The following MAST2 variants were observed in gnomAD, a reference collection of about 807,000 sequenced individuals.
MAST2 encodes microtubule associated serine/threonine kinase 2.
In MAST2, 70 loss-of-function variants were observed where a neutral mutation model predicts 147.4. The ratio of observed to expected loss-of-function variants is 0.47; its 90% CI spans 0.39 to 0.58. The LOEUF is 0.58. Among genes scored for constraint, MAST2 ranks in the 20% least tolerant of loss-of-function variants. The pLI is 0.00. For synonymous variants in MAST2, 869 were observed against 896.8 expected, an observed-to-expected ratio of 0.97 and a Z score of 0.55; for missense variants, 2,080 against 2,302.3, an observed-to-expected ratio of 0.90 and a Z score of 1.98.
At chr1:45,851,731 T>C (rs1307606033) in intron 3 of MAST2, among the ~76,000 whole-genome samples, 1 of 152,176 alleles carries the variant, frequency 6.6e-6, no homozygotes. Context: ...ACTTCCTTTT[T>C]TCTGCTTGAC....
chr1:45,882,534 C>A, intron 4 of MAST2, 139 bp downstream of exon 4: 1 of 630,964 alleles, frequency 1.6e-6, no homozygotes, highest in South Asian at 2.2e-5. Flanking sequence ...GCTAGGGAAG[C>A]CAGCAGGCCA....
chr1:45,904,748 G>A lies in MAST2; in HGVS notation c.500+22353G>A, dbSNP rs1650384076. 1.3e-5 allele frequency among the ~76,000 whole-genome samples: 2 copies of A among 152,200 alleles called. 1 individual carries two copies. Among genetic ancestry groups the A allele is most frequent in the South Asian group, 4.2e-4 (2 of 4,816 alleles). On this transcript the variant is annotated intron_variant, in intron 4 of 28. Transcript: ENST00000361297. Reference sequence around the variant, plus strand: ...CCCAGAGTGCTAGGATTACAGGCACGAGCCACCGCACCCAACCCAGACTGT... The same window carrying A: ...CCCAGAGTGCTAGGATTACAGGCACAAGCCACCGCACCCAACCCAGACTGT...
At chr1:45,832,934 ACCT>A (rs1407797997) in intron 3 of MAST2, among the ~76,000 whole-genome samples, 3 of 152,088 alleles carry the variant, frequency 2.0e-5, no homozygotes, top group African/African-American at 4.8e-5. Flanking sequence ...TTCAGGTATC[ACCT>A]CCTCATTGTT....
At chr1:45,945,675 G>A (rs184506605) in intron 4 of MAST2, among the ~76,000 whole-genome samples, 3 of 152,314 alleles carry the variant, frequency 2.0e-5, no homozygotes, top group East Asian at 3.9e-4. Context: ...GTATGTATTA[G>A]TAACACTTAA....
intron 6 of MAST2, among the ~76,000 whole-genome samples, chr1:45,998,898 C>CT (rs1248509265): frequency 6.6e-6 from 1 of 151,956 alleles, no homozygotes; most frequent in Non-Finnish European, 1.5e-5. Context: ...GAGCTAATTT[C>CT]TTTTTTTGTA....
intron 5 of MAST2, among the ~76,000 whole-genome samples, chr1:45,975,883 C>T (rs569238408): frequency 1.5e-4 from 23 of 152,102 alleles, no homozygotes; most frequent in African/African-American, 5.5e-4. Context: ...TGCCATAAAT[C>T]CCCTAAAATT....
rs1409624781 is a variant in MAST2 at position 46,030,187 on chromosome 1, T to A, written c.2502T>A (p.Asp834Glu). 1 of 1,614,096 alleles carries A rather than the reference T, an allele frequency of 6.2e-7. No homozygotes were observed. Among genetic ancestry groups the A allele is most frequent in the South Asian group, 1.1e-5 (1 of 91,084 alleles). The change falls in exon 21 of 29, where the codon GAT becomes GAA. Residue 834 changes from aspartate to glutamate, a missense_variant. Transcript: ENST00000361297. ...AGGATGAGGAAGAAGTGAGTGAGGATGGCTGCCTTGAGATCCGCCAGTTCT... is the reference window on the plus strand; with the variant it reads ...AGGATGAGGAAGAAGTGAGTGAGGAAGGCTGCCTTGAGATCCGCCAGTTCT... Reference protein sequence around the residue: ...DSEDEEEVSEDGCLEIRQFSS... With the variant: ...DSEDEEEVSEEGCLEIRQFSS...
intron 3 of MAST2, among the ~76,000 whole-genome samples, chr1:45,868,724 C>A (rs1157195203): frequency 6.6e-6 from 1 of 152,106 alleles, no homozygotes. Context: ...GGTCATCTTA[C>A]AAAATGTGAT....
chr1:45,946,858 C>T (rs1200814709), intron 4 of MAST2, among the ~76,000 whole-genome samples: 1 of 152,160 alleles, frequency 6.6e-6, no homozygotes, highest in African/African-American at 2.4e-5. Context: ...TAGTCTCTGT[C>T]ATAGCAGACC....
At chr1:45,919,694 T>C (rs1310368959) in intron 4 of MAST2, among the ~76,000 whole-genome samples, 1 of 152,196 alleles carries the variant, frequency 6.6e-6, no homozygotes, top group East Asian at 1.9e-4. Flanking sequence ...ATGTACCCAG[T>C]CCTGGCACAT....
At chr1:45,825,686 G>A (rs564121934) in intron 2 of MAST2, among the ~76,000 whole-genome samples, 84 of 151,848 alleles carry the variant, frequency 5.5e-4, no homozygotes, top group African/African-American at 1.9e-3. Context: ...GCCTGCCTTG[G>A]CCTCCCAAAG....
At chr1:45,823,898 A>G (rs1003500054) in intron 1 of MAST2, among the ~76,000 whole-genome samples, 1 of 152,114 alleles carries the variant, frequency 6.6e-6, no homozygotes, top group African/African-American at 2.4e-5. Flanking sequence ...GGTTCTGTCA[A>G]TGTTTTGTAT....
In MAST2 at chr1:46,034,069, G is replaced by A. The variant is rs751004565; in HGVS notation, c.3675-4G>A. ...GACTCAGCCTTTGACCCTTATCCCC[G>A]CAGCAGAAAAAGGAGCTCCCTGTTC... On this transcript the variant is annotated splice_polypyrimidine_tract_variant and splice_region_variant and intron_variant, in intron 27 of 28. Transcript: ENST00000361297. The A allele has an allele frequency of 1.4e-5, 23 of 1,612,150 alleles. No homozygotes were observed. Among genetic ancestry groups the A allele is most frequent in the East Asian group, 2.2e-5 (1 of 44,890 alleles).
intron 10 of MAST2, chr1:46,011,155 T>G: frequency 3.5e-6 from 2 of 574,034 alleles, no homozygotes; most frequent in Non-Finnish European, 6.2e-6. Flanking sequence ...TTCTGTTCCT[T>G]TTCTAAATCC....
At chr1:45,822,977 T>C (rs1046249842) in intron 1 of MAST2, among the ~76,000 whole-genome samples, 4 of 152,222 alleles carry the variant, frequency 2.6e-5, no homozygotes, top group Non-Finnish European at 5.9e-5. Context: ...ATCAATTGTT[T>C]GATTCAGTGC....
rs754911769 is a variant in MAST2 at position 45,959,427 on chromosome 1, G to A, written c.542G>A (p.Ser181Asn). ...SNRKSLIVTS[S>N]TSPTLPRPHS... ...CGCAAGAGCTTGATTGTGACCTCTA[G>A]CACATCACCTACACTACCACGGCCA... Residue 181 changes from serine (S) to asparagine (N), a missense_variant, in exon 5 of 29, where the codon AGC becomes AAC. Ser to Asn is a conservative substitution (Grantham distance 46, BLOSUM62 1). Around this residue, in one of 4 missense-constraint regions of MAST2, gnomAD observed 569 missense variants for 642.5 expected, o/e 0.89. Coordinates refer to ENST00000361297, the MANE Select transcript of MAST2 (RefSeq NM_015112.3). 1 of 1,613,780 alleles carries A rather than the reference G, an allele frequency of 6.2e-7. No homozygotes were observed. Among genetic ancestry groups the A allele is most frequent in the Non-Finnish European group, 8.5e-7 (1 of 1,179,818 alleles).
At chr1:45,992,712 GTCTT>G (rs1644899351) in intron 5 of MAST2, among the ~76,000 whole-genome samples, 1 of 152,040 alleles carries the variant, frequency 6.6e-6, no homozygotes. Flanking sequence ...CTTTAATGGA[GTCTT>G]TCTTTTTTTA....
intron 5 of MAST2, among the ~76,000 whole-genome samples, chr1:45,994,413 A>T (rs1644974201): frequency 6.6e-6 from 1 of 151,472 alleles, no homozygotes; most frequent in South Asian, 2.1e-4. Flanking sequence ...CAGCCTCCCA[A>T]GTAGCTGGGA....
chr1:45,948,468 G>T (rs1658422513), intron 4 of MAST2, among the ~76,000 whole-genome samples: 2 of 152,092 alleles, frequency 1.3e-5, no homozygotes, highest in African/African-American at 4.8e-5. Context: ...AGCACTTTGG[G>T]AGGCCAAGGC....
Sources: gnomAD v4.1 joint callset for allele counts (sites outside exome capture counted in the v4.1 genomes callset) on GRCh38, gnomAD v4.1.1 for gene constraint, gnomAD v4.1.1 regional missense constraint, MANE v1.5 for transcripts, NCBI Gene and HGNC (gene_info 2026-07-23, HGNC 2026-07-21) for gene names.